Variants in FAM53A observed in about 807,000 individuals in gnomAD.
FAM53A encodes protein FAM53A.
Under a neutral mutation model 26.6 loss-of-function variants are expected in FAM53A, and 28 were observed. The observed-to-expected ratio is 1.05, with a 90% CI of 0.78 to 1.45. The LOEUF (loss-of-function observed/expected upper bound fraction) is 1.45, where lower values mean the gene tolerates loss of function less well. Ranked by LOEUF, FAM53A falls within the 40% of genes most tolerant of loss-of-function variation. The probability of loss-of-function intolerance (pLI) is 0.00; values close to 1 mark genes in which losing one functional copy is unlikely to be tolerated. For missense variants in FAM53A, 650 were observed against 575.8 expected (o/e 1.13, Z -1.32); for synonymous variants, 290 against 253.1 (o/e 1.15, Z -1.38).
rs954241794 is a variant in FAM53A at position 1,640,275 on chromosome 4, C to T, written c.*1018G>A. ...GCCACAAGCTGGCGGTTCACTGGCA[C>T]GTGGGTGACAAGGTTCATGGGCACA... On this transcript the variant is annotated 3_prime_UTR_variant, in exon 5 of 5. Transcript: ENST00000308132. 5.7e-6 allele frequency: 1 copy of T among 176,548 alleles called. No individual in the cohort carries two copies. Among genetic ancestry groups the T allele is most frequent in the African/African-American group, 2.4e-5 (1 of 41,584 alleles). 10.9% of individuals were successfully genotyped at this position (176,548 alleles called of 1,614,324 possible).
At chr4:1,667,207 G>A (rs145817050) in intron 2 of FAM53A, among the ~76,000 whole-genome samples, 8 of 152,220 alleles carry the variant, frequency 5.3e-5, no homozygotes, top group Non-Finnish European at 8.8e-5. Flanking sequence ...GCTGAGGCAC[G>A]AGAATCACTT....
At chr4:1,611,952 A>C in the FAM53A span, among the ~76,000 whole-genome samples, 5 of 152,232 alleles carry the variant, frequency 3.3e-5, no homozygotes, top group African/African-American at 1.2e-4. Flanking sequence ...ATTGATCCCC[A>C]AGAATGTATC....
chr4:1,678,762 C>G (rs2109060774), intron 1 of FAM53A, among the ~76,000 whole-genome samples: 1 of 151,904 alleles, frequency 6.6e-6, no homozygotes, highest in African/African-American at 2.4e-5. Context: ...GCAAAGGTTG[C>G]AATGAGCTGA....
downstream of FAM53A, among the ~76,000 whole-genome samples, chr4:1,636,417 T>C (rs1715841124): frequency 2.0e-5 from 3 of 152,220 alleles, no homozygotes; most frequent in South Asian, 2.1e-4. Context: ...CTCCTCGCAG[T>C]TGGCTGGGTT....
chr4:1,584,827 G>A, the FAM53A span, among the ~76,000 whole-genome samples: 1 of 152,242 alleles, frequency 6.6e-6, no homozygotes, highest in Non-Finnish European at 1.5e-5. Flanking sequence ...ACCTAGCCTC[G>A]AAAGTCATGC....
chr4:1,637,270 G>C (rs1715886295), downstream of FAM53A, among the ~76,000 whole-genome samples: 1 of 152,166 alleles, frequency 6.6e-6, no homozygotes. Context: ...GCCTGTGACT[G>C]CAGGGGACTG....
chr4:1,612,572 C>T, the FAM53A span, among the ~76,000 whole-genome samples: 4 of 152,198 alleles, frequency 2.6e-5, no homozygotes, highest in South Asian at 2.1e-4. Flanking sequence ...CACACACACT[C>T]GCGTAAACAC....
chr4:1,627,639 A>G (rs1243165741), intron 1 of FAM53A, among the ~76,000 whole-genome samples: 1 of 152,198 alleles, frequency 6.6e-6, no homozygotes, highest in African/African-American at 2.4e-5. Context: ...GGGCAGAGAC[A>G]GTGTCCACAC....
chr4:1,635,629 C>T (rs532335283), downstream of FAM53A, among the ~76,000 whole-genome samples: 2 of 152,194 alleles, frequency 1.3e-5, no homozygotes, highest in African/African-American at 4.8e-5. Context: ...AAATTCCCTT[C>T]TACACACCAC....
At chr4:1,609,424 A>G in the FAM53A span, among the ~76,000 whole-genome samples, 2 of 151,094 alleles carry the variant, frequency 1.3e-5, no homozygotes, top group African/African-American at 4.9e-5. Context: ...TTGAATTGTA[A>G]CTCCCATAAT....
rs1420985546 is a variant in FAM53A, at chr4:1,630,650, A to G, written c.432-12539T>C. On this transcript the variant is annotated intron_variant, in intron 1 of 1. Transcript: ENST00000489029. This position sits in a 1 kb window ranked among gnomAD's most constrained non-coding sequence, Gnocchi z 4.3. Reference sequence around the variant, plus strand: ...AGGCCAGGAGCCTGCTCTAAACACCATCGTGGAAGCCAGACAGAAAAGGCC... The same window carrying G: ...AGGCCAGGAGCCTGCTCTAAACACCGTCGTGGAAGCCAGACAGAAAAGGCC... 6.6e-6 allele frequency among the ~76,000 whole-genome samples: 1 copy of G among 151,986 alleles called. No homozygotes were observed. The highest frequency in any genetic ancestry group is 1.5e-5 in the Non-Finnish European group (1 of 67,980).
At position 1,662,886 on chromosome 4, in the gene FAM53A, C is replaced by T. The variant is rs980675467; in HGVS notation, c.76-5418G>A. 2.6e-5 allele frequency among the ~76,000 whole-genome samples: 4 copies of T among 152,204 alleles called. No homozygotes were observed. The South Asian group carries it at 6.2e-4, about 24-fold the overall frequency. ...TTTATCAAAAAAATGGACAATAACA[C>T]GCGTTGATGAGAGTTGGAGAAATTA... On this transcript the variant is annotated intron_variant, in intron 2 of 4. Coordinates refer to ENST00000308132, the MANE Select transcript of FAM53A (RefSeq NM_001174070.3).
chr4:1,594,874 T>A, the FAM53A span, among the ~76,000 whole-genome samples: 1 of 152,226 alleles, frequency 6.6e-6, no homozygotes, highest in Non-Finnish European at 1.5e-5. Context: ...GCTTAAGTTT[T>A]ACAAAGTTCA....
At chr4:1,657,595 G>A (rs1296143958) in intron 2 of FAM53A, 127 bp from the exon 3 acceptor site, 5 of 802,756 alleles carry the variant, frequency 6.2e-6, no homozygotes, top group Admixed American at 2.4e-5. Context: ...ATTAAAATAA[G>A]CACAGTTTTA....
chr4:1,643,660 G>A (rs1015722695), intron 4 of FAM53A, among the ~76,000 whole-genome samples: 8 of 149,428 alleles, frequency 5.4e-5, no homozygotes, highest in Non-Finnish European at 8.9e-5. Flanking sequence ...TCGACCTCCC[G>A]GGCTCAAGCA....
At chr4:1,634,073 T>G (rs1715731853) in intron 1 of FAM53A, among the ~76,000 whole-genome samples, 1 of 152,054 alleles carries the variant, frequency 6.6e-6, no homozygotes, top group Non-Finnish European at 1.5e-5. Flanking sequence ...GAGTAGCAGG[T>G]GGCAGAGGGA....
At chr4:1,653,996 G>A (rs1395194839) in intron 4 of FAM53A, among the ~76,000 whole-genome samples, 1 of 152,214 alleles carries the variant, frequency 6.6e-6, no homozygotes, top group Non-Finnish European at 1.5e-5. Context: ...ACAGCCCCCA[G>A]AGGCAGGGCA....
the FAM53A span, among the ~76,000 whole-genome samples, chr4:1,577,409 C>T: frequency 1.3e-5 from 2 of 152,102 alleles, no homozygotes; most frequent in African/African-American, 4.8e-5. Flanking sequence ...GCCAGCAGCT[C>T]CCGTGGCCAC....
the FAM53A span, among the ~76,000 whole-genome samples, chr4:1,593,371 G>C: frequency 3.3e-5 from 5 of 152,160 alleles, 1 homozygote; most frequent in African/African-American, 9.6e-5. Flanking sequence ...GCCCCTCCGA[G>C]TAGGGTGAGC....
Sources: allele counts gnomAD v4.1 joint callset (sites outside exome capture counted in the v4.1 genomes callset), GRCh38; gene constraint gnomAD v4.1.1; non-coding constraint Gnocchi (gnomAD v3.1); transcripts MANE v1.5; gene names NCBI Gene and HGNC (gene_info 2026-07-23, HGNC 2026-07-21).